Variants in HDAC9 observed in about 807,000 individuals in gnomAD.
The protein encoded by HDAC9 is MEF-2 interacting transcription repressor (MITR) protein.
In HDAC9, 41 loss-of-function variants were observed where a neutral mutation model predicts 139.4. The ratio of observed to expected loss-of-function variants is 0.29; its 90% CI spans 0.23 to 0.38. HDAC9 has a LOEUF of 0.38. Among genes scored for constraint, HDAC9 ranks in the 10% least tolerant of loss-of-function variants. The pLI, the probability that HDAC9 is intolerant of heterozygous loss-of-function variation, is 1.00. For missense variants in HDAC9, 1,147 were observed against 1,297.0 expected, an observed-to-expected ratio of 0.88 and a Z score of 1.78; for synonymous variants, 517 against 476.2, an observed-to-expected ratio of 1.09 and a Z score of -1.12.
chr7:19,000,529 T>G lies in HDAC9; in HGVS notation c.*4467T>G, dbSNP rs1334465250. The stretch of plus-strand genomic sequence containing the variant: ...AATCAACTGCAGTCCGTTTTATCTA[T>G]GATATTCCTGGCTTCGTATAATGGT... On this transcript the variant is annotated 3_prime_UTR_variant, in exon 26 of 26. Transcript: ENST00000686413. 1 of 152,238 alleles carries G rather than the reference T, an allele frequency of 6.6e-6. No homozygotes were observed. Among genetic ancestry groups the G allele is most frequent in the South Asian group, 2.1e-4 (1 of 4,832 alleles). 9.4% of individuals were successfully genotyped at this position (152,238 alleles called of 1,614,324 possible). A position where few individuals can be genotyped will look rare whatever the true frequency, so the allele number is the denominator to read the frequency against.
At chr7:18,932,783 A>T (rs985970535) in intron 22 of HDAC9, among the ~76,000 whole-genome samples, 2 of 151,626 alleles carry the variant, frequency 1.3e-5, no homozygotes, top group African/African-American at 4.9e-5. Context: ...GAAAGAACGT[A>T]AGAGAGAAAG....
chr7:18,735,359 A>G (rs573176514), intron 13 of HDAC9, among the ~76,000 whole-genome samples: 3 of 152,174 alleles, frequency 2.0e-5, no homozygotes, highest in Admixed American at 2.0e-4. Context: ...TAGGGTTTTT[A>G]TGGTTTTAGG....
chr7:18,903,719 G>A (rs1213988385), intron 22 of HDAC9, among the ~76,000 whole-genome samples: 1 of 152,108 alleles, frequency 6.6e-6, no homozygotes, highest in Non-Finnish European at 1.5e-5. Context: ...ACATCCTAAA[G>A]TAAGCCCTGA....
At chr7:18,790,221 T>C (rs1792177957) in intron 16 of HDAC9, among the ~76,000 whole-genome samples, 1 of 152,190 alleles carries the variant, frequency 6.6e-6, no homozygotes, top group African/African-American at 2.4e-5. Context: ...GATTTTGGGA[T>C]TTAATCTTAC....
chr7:18,505,561 G>A lies in HDAC9; in HGVS notation c.22+9237G>A, dbSNP rs566998479. Among the ~76,000 whole-genome samples, 3 of 152,238 alleles carry A rather than the reference G, an allele frequency of 2.0e-5. No individual in the cohort carries two copies. The South Asian group carries it at 6.2e-4, about 32-fold the overall frequency. On this transcript the variant is annotated intron_variant, in intron 2 of 25. Coordinates refer to ENST00000686413, the MANE Select transcript of HDAC9 (RefSeq NM_178425.4). ...GAAAACTGGATGGCTGTGTTTATATGTATTATCATCATACTACGTTTTACT... is the reference window on the plus strand; with the variant it reads ...GAAAACTGGATGGCTGTGTTTATATATATTATCATCATACTACGTTTTACT...
At chr7:18,302,952 A>G (rs182529014) in intron 1 of HDAC9, among the ~76,000 whole-genome samples, 138 of 152,020 alleles carry the variant, frequency 9.1e-4, no homozygotes, top group Admixed American at 1.8e-3. Context: ...TTTTTCCTTC[A>G]GGTCTTATTT....
intron 16 of HDAC9, among the ~76,000 whole-genome samples, chr7:18,786,836 A>ATTCCTTCCTTCCTTCC (rs4001106): frequency 3.0e-5 from 2 of 66,940 alleles, no homozygotes; most frequent in African/African-American, 1.0e-4. Context: ...TCCTTCCTTC[A>ATTCCTTCCTTCCTTCC]TTCCTTCCTT....
intron 2 of HDAC9, among the ~76,000 whole-genome samples, chr7:18,177,893 T>C (rs968256635): frequency 3.3e-5 from 5 of 152,188 alleles, no homozygotes; most frequent in African/African-American, 4.8e-5. Flanking sequence ...GGGCATGGAA[T>C]TGGGGAGGAG....
chr7:18,977,422 T>C (rs1356012780), intron 25 of HDAC9, among the ~76,000 whole-genome samples: 2 of 152,206 alleles, frequency 1.3e-5, no homozygotes, highest in African/African-American at 2.4e-5. Context: ...CTGAGTGAAA[T>C]GAATTGTAAA....
chr7:18,991,345 T>A (rs1010834420), intron 25 of HDAC9, among the ~76,000 whole-genome samples: 2 of 152,182 alleles, frequency 1.3e-5, no homozygotes, highest in African/African-American at 4.8e-5. Flanking sequence ...ACTGGAAAGA[T>A]AAAGAAGTCA....
At chr7:18,160,598 T>G (rs1474705457) in intron 1 of HDAC9, among the ~76,000 whole-genome samples, 1 of 152,066 alleles carries the variant, frequency 6.6e-6, no homozygotes. Flanking sequence ...AAGAACAGTG[T>G]GAGCAATGTT....
At chr7:18,613,223 T>C (rs904896601) in intron 6 of HDAC9, among the ~76,000 whole-genome samples, 27 of 151,802 alleles carry the variant, frequency 1.8e-4, no homozygotes, top group South Asian at 8.3e-4. Flanking sequence ...AGTCCATTAG[T>C]TTTGTCATTT....
intron 13 of HDAC9, among the ~76,000 whole-genome samples, chr7:18,734,958 G>T (rs1389467146): frequency 6.6e-6 from 1 of 152,158 alleles, no homozygotes; most frequent in Non-Finnish European, 1.5e-5. Context: ...ATCTCATTGT[G>T]GTTTTGATTT....
chr7:18,500,599 A>G (rs1262579733), intron 2 of HDAC9, among the ~76,000 whole-genome samples: 2 of 152,182 alleles, frequency 1.3e-5, no homozygotes, highest in Non-Finnish European at 2.9e-5. Context: ...CTGAGTAGGT[A>G]TCCTCACCAT....
chr7:18,134,601 C>T (rs965846896), intron 1 of HDAC9, among the ~76,000 whole-genome samples: 5 of 152,172 alleles, frequency 3.3e-5, no homozygotes, highest in Admixed American at 3.3e-4. Context: ...TGTAAGTTAT[C>T]AACATAGTGA....
intron 1 of HDAC9, among the ~76,000 whole-genome samples, chr7:18,101,080 G>C (rs1013961006): frequency 2.0e-5 from 3 of 152,086 alleles, no homozygotes; most frequent in Admixed American, 6.6e-5. Flanking sequence ...CTAACTTTGG[G>C]TTGTTTTCTC....
chr7:18,818,399 G>C (rs963885274), intron 17 of HDAC9, among the ~76,000 whole-genome samples: 11 of 151,980 alleles, frequency 7.2e-5, no homozygotes, highest in African/African-American at 2.7e-4. Flanking sequence ...TTTTGTTATA[G>C]TTTCCTAAAA....
upstream of HDAC9, among the ~76,000 whole-genome samples, chr7:18,285,561 G>C (rs1797381148): frequency 6.6e-6 from 1 of 151,854 alleles, no homozygotes; most frequent in Non-Finnish European, 1.5e-5. Context: ...TTTTCCCTGG[G>C]AAAGGTGTAC....
At chr7:18,223,035 A>G (rs958624366) in intron 2 of HDAC9, among the ~76,000 whole-genome samples, 15 of 152,284 alleles carry the variant, frequency 9.9e-5, no homozygotes, top group Admixed American at 7.2e-4. Context: ...AATAATATGA[A>G]TAACAGTTTT....
Sources: allele counts gnomAD v4.1 joint callset (sites outside exome capture counted in the v4.1 genomes callset), GRCh38; gene constraint gnomAD v4.1.1; transcripts MANE v1.5; gene names NCBI Gene and HGNC (gene_info 2026-07-23, HGNC 2026-07-21).